Variants in ARMC3 observed in about 807,000 individuals in gnomAD.
The protein encoded by ARMC3 is armadillo repeat containing 3.
Under a neutral mutation model 90.3 loss-of-function variants are expected in ARMC3, and 74 were observed. The observed-to-expected ratio is 0.82, with a 90% CI of 0.68 to 0.99. The LOEUF (loss-of-function observed/expected upper bound fraction) is 0.99. Ranked by LOEUF, ARMC3 falls within the 50% of genes least tolerant of loss-of-function variation. ARMC3 has a pLI of 0.00. For missense variants in ARMC3, 958 were observed against 1,042.8 expected, an observed-to-expected ratio of 0.92 and a Z score of 1.12; for synonymous variants, 334 against 361.8, an observed-to-expected ratio of 0.92 and a Z score of 0.87.
intron 16 of ARMC3, among the ~76,000 whole-genome samples, chr10:23,019,847 C>T (rs76887235): frequency 0.014 from 2,144 of 152,216 alleles, 55 homozygotes; most frequent in African/African-American, 0.049. Context: ...CATGCAGCCA[C>T]GCCTGTTAGT....
chr10:22,982,652 T>C (rs1008212175), intron 10 of ARMC3, among the ~76,000 whole-genome samples: 5 of 152,210 alleles, frequency 3.3e-5, no homozygotes, highest in African/African-American at 1.2e-4. Flanking sequence ...CTACAGGAGA[T>C]TAAGACTGCC....
chr10:22,957,569 T>G (rs1031239408), intron 4 of ARMC3, among the ~76,000 whole-genome samples: 3 of 152,132 alleles, frequency 2.0e-5, no homozygotes, highest in African/African-American at 4.8e-5. Context: ...AGTTAACACT[T>G]AACATACACT....
At chr10:22,956,971 A>G (rs1834969629) in intron 4 of ARMC3, among the ~76,000 whole-genome samples, 1 of 152,074 alleles carries the variant, frequency 6.6e-6, no homozygotes, top group South Asian at 2.1e-4. Context: ...TCATTTTCTA[A>G]TAGTAGTTTT....
chr10:22,935,299 T>C (rs1834068430), intron 2 of ARMC3, among the ~76,000 whole-genome samples: 1 of 152,162 alleles, frequency 6.6e-6, no homozygotes, highest in Admixed American at 6.5e-5. Flanking sequence ...TGGACCTCCT[T>C]CATCAATCTC....
chr10:23,007,294 G>A (rs1217534761), intron 14 of ARMC3, among the ~76,000 whole-genome samples: 1 of 152,116 alleles, frequency 6.6e-6, no homozygotes, highest in Non-Finnish European at 1.5e-5. Context: ...AGCAAACCGA[G>A]ATGAATCATG....
chr10:22,977,905 C>T (rs762259091), intron 8 of ARMC3, among the ~76,000 whole-genome samples: 1 of 152,182 alleles, frequency 6.6e-6, no homozygotes, highest in Non-Finnish European at 1.5e-5. Flanking sequence ...ATTCCAGAAG[C>T]AGGATTTCCC....
intron 10 of ARMC3, 152 bp downstream of exon 10, chr10:22,981,852 AATC>A: frequency 1.5e-6 from 1 of 683,642 alleles, no homozygotes. Flanking sequence ...TATGAAACAG[AATC>A]ATCAGATGGG....
chr10:22,990,300 A>T (rs1004647481), intron 10 of ARMC3, among the ~76,000 whole-genome samples: 3 of 152,152 alleles, frequency 2.0e-5, no homozygotes, highest in Non-Finnish European at 4.4e-5. Flanking sequence ...CATTGATTAC[A>T]CTTGAGTGAA....
rs946241629 is a variant in ARMC3 at position 22,998,086 on chromosome 10, T to C, written c.1176-62T>C. ...CATTTGTTTTAGCAGCTTAGTTGCATGCTCCAAAGATAATTTTTTGAATTC... is the reference window on the plus strand; with the variant it reads ...CATTTGTTTTAGCAGCTTAGTTGCACGCTCCAAAGATAATTTTTTGAATTC... On this transcript the variant is annotated intron_variant, in intron 10 of 18. Coordinates refer to ENST00000298032, the MANE Select transcript of ARMC3 (RefSeq NM_173081.5). 105 of 1,566,562 alleles carry C rather than the reference T, an allele frequency of 6.7e-5. 1 individual carries two copies. The highest frequency in any genetic ancestry group is 1.6e-5 in the Non-Finnish European group (18 of 1,153,446).
intron 13 of ARMC3, among the ~76,000 whole-genome samples, chr10:23,003,774 A>G (rs1387315757): frequency 6.6e-6 from 1 of 151,928 alleles, no homozygotes; most frequent in African/African-American, 2.4e-5. Context: ...TTGAGGCTAG[A>G]GTGCACTATG....
intron 16 of ARMC3, among the ~76,000 whole-genome samples, chr10:23,009,680 T>C (rs57860671): frequency 0.05 from 7,575 of 152,106 alleles, 604 homozygotes; most frequent in African/African-American, 0.17. Flanking sequence ...TGTATTTTTA[T>C]TAGAGATGGG....
intron 5 of ARMC3, 38 bp from the exon 6 acceptor site, chr10:22,959,361 C>A: frequency 6.5e-7 from 1 of 1,546,590 alleles, no homozygotes; most frequent in South Asian, 1.2e-5. Flanking sequence ...GAATAATAAG[C>A]AGTTGGCATA....
At chr10:22,966,375 C>T (rs1332328299) in intron 7 of ARMC3, among the ~76,000 whole-genome samples, 1 of 152,192 alleles carries the variant, frequency 6.6e-6, no homozygotes, top group Non-Finnish European at 1.5e-5. Flanking sequence ...ATCAATCTCA[C>T]CTAGCACAGC....
At chr10:23,022,814 C>G (rs940786058) in intron 16 of ARMC3, among the ~76,000 whole-genome samples, 1 of 152,092 alleles carries the variant, frequency 6.6e-6, no homozygotes, top group African/African-American at 2.4e-5. Context: ...CTTCTCCCAC[C>G]CAGAGATACT....
At chr10:22,992,119 T>C (rs1236793491) in intron 10 of ARMC3, among the ~76,000 whole-genome samples, 2 of 152,158 alleles carry the variant, frequency 1.3e-5, no homozygotes, top group Non-Finnish European at 2.9e-5. Context: ...TGTATGGAAG[T>C]GAAGTATTGT....
chr10:23,014,226 A>G, intron 16 of ARMC3: 1 of 1,528,808 alleles, frequency 6.5e-7, no homozygotes. Context: ...TTGTAAATGA[A>G]AATGATGATC....
chr10:23,026,020 T>G (rs1164181076), intron 16 of ARMC3, among the ~76,000 whole-genome samples: 1 of 152,102 alleles, frequency 6.6e-6, no homozygotes, highest in Non-Finnish European at 1.5e-5. Context: ...AACTACAAAC[T>G]ACCCGATCTC....
intron 16 of ARMC3, among the ~76,000 whole-genome samples, chr10:23,022,484 A>G (rs1466649988): frequency 6.6e-6 from 1 of 152,122 alleles, no homozygotes; most frequent in Non-Finnish European, 1.5e-5. Flanking sequence ...CTGGCTGGGG[A>G]CCCTATGACT....
rs114728577 is a variant in ARMC3, at chr10:23,004,925, C to T, written c.1731+1511C>T. On this transcript the variant is annotated intron_variant, in intron 13 of 18. Transcript: ENST00000298032. ...TCAGGACAAAGCTGTTTTAAGAAAA[C>T]CAAGAGGGGGGCCGGGCGTGGTGGC... 8.5e-3 allele frequency among the ~76,000 whole-genome samples: 1,301 copies of T among 152,170 alleles called. 18 individuals carry two copies. The highest frequency in any genetic ancestry group is 0.029 in the African/African-American group (1,219 of 41,512).
Sources: gnomAD v4.1 joint callset for allele counts (sites outside exome capture counted in the v4.1 genomes callset) on GRCh38, gnomAD v4.1.1 for gene constraint, MANE v1.5 for transcripts, NCBI Gene and HGNC (gene_info 2026-07-23, HGNC 2026-07-21) for gene names.